Variants in GAS2 observed in about 807,000 individuals in gnomAD.
GAS2 encodes growth arrest specific 2, also known as growth arrest-specific protein 2.
A neutral mutation model predicts 37.5 loss-of-function variants in GAS2; 20 were observed. The observed-to-expected ratio is 0.53, with a 90% confidence interval of 0.37 to 0.77. The LOEUF (loss-of-function observed/expected upper bound fraction) is 0.77, where lower values mean the gene tolerates loss of function less well. GAS2 is among the 30% of genes least tolerant of loss of function. The pLI, the probability that GAS2 is intolerant of heterozygous loss-of-function variation, is 0.00. For missense variants in GAS2, 336 were observed against 373.4 expected, an observed-to-expected ratio of 0.90 and a Z score of 0.82; for synonymous variants, 144 against 132.2, an observed-to-expected ratio of 1.09 and a Z score of -0.61.
At chr11:22,642,251 C>A (rs1848639246) in intron 1 of GAS2, among the ~76,000 whole-genome samples, 1 of 152,024 alleles carries the variant, frequency 6.6e-6, no homozygotes, top group Non-Finnish European at 1.5e-5. Context: ...ACAACAGTGG[C>A]AGAGGAAATA....
Position 22,780,145 on chromosome 11 carries a change from G to A in GAS2, c.723+24192G>A, listed in dbSNP as rs182826490. Among the ~76,000 whole-genome samples, 9 of 152,246 alleles carry A rather than the reference G, an allele frequency of 5.9e-5. No homozygotes were observed. The East Asian group carries it at 1.7e-3, about 29-fold the overall frequency. On this transcript the variant is annotated intron_variant, in intron 7 of 7. Transcript: ENST00000454584. ...CAGGTACTGTTTAGACATAATACAGGATTTTGGGAAGTTGGGGAACTCTGA... is the reference window on the plus strand; with the variant it reads ...CAGGTACTGTTTAGACATAATACAGAATTTTGGGAAGTTGGGGAACTCTGA...
chr11:22,687,630 GGTGT>G (rs1411001294), intron 3 of GAS2, among the ~76,000 whole-genome samples: 2 of 152,192 alleles, frequency 1.3e-5, no homozygotes, highest in African/African-American at 4.8e-5. Flanking sequence ...GTGTAGCCCA[GGTGT>G]GAGGAGACTG....
chr11:22,748,124 A>T (rs187710083), intron 5 of GAS2, among the ~76,000 whole-genome samples: 59 of 151,748 alleles, frequency 3.9e-4, no homozygotes, highest in Admixed American at 1.4e-3. Flanking sequence ...ATAGTAGATT[A>T]AAAAAAACAT....
intron 2 of GAS2, among the ~76,000 whole-genome samples, chr11:22,677,674 T>C (rs573082510): frequency 2.8e-4 from 43 of 152,276 alleles, no homozygotes; most frequent in African/African-American, 1.0e-3. Context: ...GTGTGTGTAA[T>C]GGAAAGATCC....
chr11:22,661,269 G>A (rs554784187), intron 1 of GAS2, among the ~76,000 whole-genome samples: 10 of 152,086 alleles, frequency 6.6e-5, no homozygotes, highest in Non-Finnish European at 7.4e-5. Context: ...GCTGAATCCC[G>A]TCTATCACCC....
intron 1 of GAS2, chr11:22,672,817 T>A (rs1475163133): frequency 6.6e-6 from 1 of 151,136 alleles, no homozygotes; most frequent in Non-Finnish European, 1.5e-5. Flanking sequence ...CTAGACATAT[T>A]TTTTTTTTAA....
chr11:22,679,258 G>A (rs1461513321), intron 2 of GAS2, among the ~76,000 whole-genome samples: 6 of 151,958 alleles, frequency 3.9e-5, no homozygotes, highest in Admixed American at 6.6e-5. Context: ...AGATCTTATC[G>A]TCTTTCTTTA....
At chr11:22,668,347 A>T (rs1464149945) in intron 1 of GAS2, 13 of 152,372 alleles carry the variant, frequency 8.5e-5, no homozygotes, top group Admixed American at 7.2e-4. Context: ...TAAGGGACAG[A>T]TGGATGAGGC....
chr11:22,756,185 T>A (rs1854030063), intron 7 of GAS2, among the ~76,000 whole-genome samples: 3 of 152,020 alleles, frequency 2.0e-5, no homozygotes, highest in African/African-American at 7.2e-5. Flanking sequence ...ACCATGGAGA[T>A]CAAATAGATG....
downstream of GAS2, chr11:22,813,008 T>C (rs1857257777): frequency 6.6e-6 from 1 of 152,624 alleles, no homozygotes; most frequent in South Asian, 2.1e-4. Flanking sequence ...GTTATCTGTC[T>C]CTAAATCAAT....
intron 1 of GAS2, among the ~76,000 whole-genome samples, chr11:22,660,881 A>T (rs1848909061): frequency 6.6e-6 from 1 of 152,168 alleles, no homozygotes; most frequent in South Asian, 2.1e-4. Flanking sequence ...CTTTTATAGG[A>T]TGCTTCCTGA....
In GAS2 at chr11:22,674,639, C is replaced by T. The variant is rs961821374; in HGVS notation, c.-20-211C>T. 2.7e-5 allele frequency: 9 copies of T among 331,946 alleles called. No homozygotes were observed. In the Admixed American group the frequency reaches 4.3e-4, roughly 16 times the overall value. The allele number at this position is 331,946 out of a possible 1,614,324, so 20.6% of individuals were successfully genotyped here. ...GTTTCTTGTTTGATTTTCTATTTGA[C>T]CTTTGATTGCTGCTGTTTTCCTACT... On this transcript the variant is annotated intron_variant, in intron 1 of 7. Transcript: ENST00000454584.
At chr11:22,653,050 T>TTTCTTTCTC (rs1259422923) in intron 1 of GAS2, among the ~76,000 whole-genome samples, 6 of 102,374 alleles carry the variant, frequency 5.9e-5, no homozygotes, top group Non-Finnish European at 1.1e-4. Flanking sequence ...TCTTTCTTTC[T>TTTCTTTCTC]TTGCTTTCTT....
chr11:22,627,885 AT>A (rs1479297244), intron 1 of GAS2, among the ~76,000 whole-genome samples: 1 of 151,890 alleles, frequency 6.6e-6, no homozygotes, highest in Admixed American at 6.6e-5. Flanking sequence ...GGAATCCTTA[AT>A]TTTTTTTGCA....
At chr11:22,775,611 A>G (rs1477056943) in intron 7 of GAS2, among the ~76,000 whole-genome samples, 1 of 152,056 alleles carries the variant, frequency 6.6e-6, no homozygotes, top group African/African-American at 2.4e-5. Context: ...CTAAAAGAGA[A>G]TGATGGGAAA....
rs572507452 is a variant in GAS2 at position 22,679,850 on chromosome 11, AGTT to A, written c.145+4839_145+4841del. 8.6e-5 allele frequency among the ~76,000 whole-genome samples: 13 copies of A among 151,562 alleles called. No homozygotes were observed. The South Asian group carries it at 2.1e-3, about 24-fold the overall frequency. On this transcript the variant is annotated intron_variant, in intron 2 of 7. Coordinates refer to ENST00000454584, the MANE Select transcript of GAS2 (RefSeq NM_001143830.3). The stretch of plus-strand genomic sequence containing the variant: ...AAATCATCAGATATATTAAAAATCA[AGTT>A]GTGCTGAATTGATTTTACTTATATT...
chr11:22,640,906 CAAAT>C (rs1390048717), intron 1 of GAS2, among the ~76,000 whole-genome samples: 1 of 152,046 alleles, frequency 6.6e-6, no homozygotes, highest in Non-Finnish European at 1.5e-5. Context: ...CATTGTAATT[CAAAT>C]TAGTGTGTCC....
At chr11:22,704,588 C>CATATAT (rs3049395) in intron 3 of GAS2, among the ~76,000 whole-genome samples, 3,071 of 90,370 alleles carry the variant, frequency 0.034, 96 homozygotes, top group South Asian at 0.055. Context: ...TGAAAATAAA[C>CATATAT]ATATATATAT....
intron 1 of GAS2, among the ~76,000 whole-genome samples, chr11:22,652,645 G>T (rs79798237): frequency 6.6e-6 from 1 of 152,302 alleles, no homozygotes. Flanking sequence ...TTAAGCCCGT[G>T]GGAAAAGCGC....
Sources: allele counts gnomAD v4.1 joint callset (sites outside exome capture counted in the v4.1 genomes callset), GRCh38; gene constraint gnomAD v4.1.1; transcripts MANE v1.5; gene names NCBI Gene and HGNC (gene_info 2026-07-23, HGNC 2026-07-21).